Variants in PTPN4 observed in about 807,000 individuals in gnomAD.
PTPN4 encodes tyrosine-protein phosphatase non-receptor type 4.
In PTPN4, 49 loss-of-function variants were observed where a neutral mutation model predicts 135.5. That is an observed-to-expected ratio of 0.36 (90% confidence interval 0.29 to 0.46). The LOEUF (loss-of-function observed/expected upper bound fraction) is 0.46, where lower values mean the gene tolerates loss of function less well. Ranked by LOEUF, PTPN4 falls within the 20% of genes least tolerant of loss-of-function variation. PTPN4 has a pLI of 1.00. For missense variants in PTPN4, 860 were observed against 1,101.0 expected (o/e 0.78, Z 3.10); for synonymous variants, 333 against 369.9 (o/e 0.90, Z 1.14).
At chr2:119,884,842 G>T (rs571716379) in intron 8 of PTPN4, among the ~76,000 whole-genome samples, 1 of 152,118 alleles carries the variant, frequency 6.6e-6, no homozygotes, top group South Asian at 2.1e-4. Context: ...ATGCATTAGC[G>T]GGCTGTTGGC....
At chr2:119,916,217 A>C (rs1314940697) in intron 11 of PTPN4, 6 of 151,196 alleles carry the variant, frequency 4.0e-5, no homozygotes, top group Non-Finnish European at 8.8e-5. Context: ...AAAAAAAAAA[A>C]AGCCTTTGGG....
rs1484020867 is a variant in PTPN4 at position 119,881,777 on chromosome 2, G to A, written c.369-9G>A. ...TAAATGCTATCCTTTTTGTTTGTTT[G>A]TTTTTAAGGTACCAGTATTTTTTGC... On this transcript the variant is annotated splice_polypyrimidine_tract_variant and intron_variant, in intron 5 of 26. Coordinates refer to ENST00000263708, the MANE Select transcript of PTPN4 (RefSeq NM_002830.4). 3 of 1,534,586 alleles carry A rather than the reference G, an allele frequency of 2.0e-6. No homozygotes were observed. The highest frequency in any genetic ancestry group is 2.7e-6 in the Non-Finnish European group (3 of 1,118,942).
At chr2:119,798,381 G>T (rs1230454731) in intron 1 of PTPN4, among the ~76,000 whole-genome samples, 1 of 152,056 alleles carries the variant, frequency 6.6e-6, no homozygotes, top group Non-Finnish European at 1.5e-5. Context: ...TGGCCAGGCT[G>T]GTCTTGAACT....
intron 5 of PTPN4, among the ~76,000 whole-genome samples, chr2:119,879,723 C>T (rs1217174234): frequency 6.6e-6 from 1 of 152,110 alleles, no homozygotes; most frequent in African/African-American, 2.4e-5. Context: ...TAACAGTGCA[C>T]CTTCTGCCAC....
intron 19 of PTPN4, among the ~76,000 whole-genome samples, chr2:119,952,380 C>T (rs1013171383): frequency 3.9e-5 from 6 of 151,996 alleles, no homozygotes; most frequent in African/African-American, 1.2e-4. Context: ...CCAATCTAAT[C>T]GACTTATTAG....
Position 119,885,879 on chromosome 2 carries a change from A to G in PTPN4, c.672A>G (p.Ala224=). Residue 224 remains alanine (A), a synonymous_variant, in exon 9 of 27, where the codon GCA becomes GCG. Transcript: ENST00000263708. ...TCTATGGAGTTGAATTCCACTATGC[A>G]AGGGTAAGTGAAGAAAACTTACTTT... ...LELYGVEFHY[A]RDQSNNEIMI... is the part of the protein sequence containing the mutation. 6.3e-7 allele frequency: 1 copy of G among 1,577,732 alleles called. No homozygotes were observed. The highest frequency in any genetic ancestry group is 8.6e-7 in the Non-Finnish European group (1 of 1,163,944).
intron 1 of PTPN4, among the ~76,000 whole-genome samples, chr2:119,784,578 A>G (rs111258525): frequency 0.026 from 3,943 of 151,406 alleles, 165 homozygotes; most frequent in African/African-American, 0.089. Context: ...TAGTAGAGAC[A>G]GGGTTTCGCT....
chr2:119,796,857 T>A (rs1039875687), intron 1 of PTPN4, among the ~76,000 whole-genome samples: 6 of 83,470 alleles, frequency 7.2e-5, no homozygotes, highest in African/African-American at 2.7e-4. Flanking sequence ...ATTGTCACTG[T>A]TTTTGTGTGT....
intron 1 of PTPN4, among the ~76,000 whole-genome samples, chr2:119,783,938 T>G (rs1342952055): frequency 1.3e-5 from 2 of 152,150 alleles, no homozygotes. Context: ...TTGGAACACT[T>G]GGAGGTGGGG....
At chr2:119,921,055 C>T (rs1401742721) in intron 12 of PTPN4, among the ~76,000 whole-genome samples, 1 of 151,972 alleles carries the variant, frequency 6.6e-6, no homozygotes, top group Non-Finnish European at 1.5e-5. Flanking sequence ...CCGAGGCAGG[C>T]GGATCACCAG....
chr2:119,962,487 T>C (rs911531786), intron 23 of PTPN4, 129 bp from the exon 24 acceptor site: 21 of 511,880 alleles, frequency 4.1e-5, no homozygotes, highest in African/African-American at 1.4e-4. Flanking sequence ...CAGATCGAGA[T>C]GAAATTTATT....
chr2:119,971,421 T>C (rs1574427365), intron 26 of PTPN4, among the ~76,000 whole-genome samples: 1 of 152,238 alleles, frequency 6.6e-6, no homozygotes, highest in African/African-American at 2.4e-5. Context: ...CTATACCATA[T>C]CACTAATGAT....
chr2:119,920,463 G>A (rs1462287646), intron 12 of PTPN4, among the ~76,000 whole-genome samples: 1 of 152,078 alleles, frequency 6.6e-6, no homozygotes, highest in Non-Finnish European at 1.5e-5. Flanking sequence ...TGTATTTGCT[G>A]TCATTATTTT....
chr2:119,968,378 A>G (rs112823693), intron 26 of PTPN4, among the ~76,000 whole-genome samples: 8 of 152,234 alleles, frequency 5.3e-5, no homozygotes, highest in Non-Finnish European at 1.0e-4. Context: ...CTTGCTTTGT[A>G]TTATTTAGTC....
intron 2 of PTPN4, among the ~76,000 whole-genome samples, chr2:119,836,809 G>A (rs1430799840): frequency 6.6e-6 from 1 of 152,238 alleles, no homozygotes; most frequent in African/African-American, 2.4e-5. Context: ...CTGGGTGTGT[G>A]TGTGCGCAGG....
chr2:119,880,329 A>C (rs1678052391), intron 5 of PTPN4, among the ~76,000 whole-genome samples: 1 of 152,182 alleles, frequency 6.6e-6, no homozygotes, highest in South Asian at 2.1e-4. Context: ...AAGTATAGGC[A>C]TTATTTATGT....
In PTPN4 at chr2:119,828,566, A is replaced by C. The variant is rs575554116; in HGVS notation, c.138+18575A>C. 4.6e-5 allele frequency among the ~76,000 whole-genome samples: 7 copies of C among 152,322 alleles called. 1 individual carries two copies. The highest frequency in any genetic ancestry group is 1.7e-4 in the African/African-American group (7 of 41,572). On this transcript the variant is annotated intron_variant, in intron 2 of 26. Transcript: ENST00000263708. ...ATATATTCATATACTTCTGTTGGGC[A>C]ATTATCTAAGAGTGGAAATGCTGGG...
rs746285034 is a variant in PTPN4, at chr2:119,881,633, CTTAT to C, written c.369-150_369-147del. Among the ~76,000 whole-genome samples the C allele has an allele frequency of 7.2e-4, 109 of 152,058 alleles. 1 individual carries two copies. Among genetic ancestry groups the C allele is most frequent in the Non-Finnish European group, 1.2e-3 (84 of 68,004 alleles). On this transcript the variant is annotated intron_variant, in intron 5 of 26. Transcript: ENST00000263708. ...ATTTAGATTCATGAGCTTATGAAAT[CTTAT>C]TTTTAAACTACTTTACATGTTTTAA...
intron 24 of PTPN4, among the ~76,000 whole-genome samples, chr2:119,963,995 T>C (rs1378949076): frequency 6.6e-6 from 1 of 152,160 alleles, no homozygotes; most frequent in East Asian, 1.9e-4. Flanking sequence ...CAAACATAAT[T>C]GGGAAAATGA....
Sources: gnomAD v4.1 joint callset for allele counts (sites outside exome capture counted in the v4.1 genomes callset) on GRCh38, gnomAD v4.1.1 for gene constraint, MANE v1.5 for transcripts, NCBI Gene and HGNC (gene_info 2026-07-23, HGNC 2026-07-21) for gene names.